The following ASIC2 variants were observed in gnomAD, a reference collection of about 807,000 sequenced individuals.
ASIC2 encodes acid-sensing ion channel 2.
In ASIC2, 25 loss-of-function variants were observed where a neutral mutation model predicts 57.3. The observed-to-expected ratio is 0.44, with a 90% confidence interval of 0.32 to 0.61. ASIC2 has a LOEUF of 0.61. Ranked by LOEUF, ASIC2 falls within the 20% of genes least tolerant of loss-of-function variation. ASIC2 has a pLI of 0.06. For synonymous variants in ASIC2, 319 were observed against 307.5 expected (o/e 1.04, Z -0.39); for missense variants, 641 against 738.1 (o/e 0.87, Z 1.52).
chr17:34,074,864 C>T (rs1327696914), intron 1 of ASIC2, among the ~76,000 whole-genome samples: 1 of 149,414 alleles, frequency 6.7e-6, no homozygotes, highest in East Asian at 2.0e-4. Flanking sequence ...CGGCTCACCA[C>T]AAACACCATC....
At chr17:33,058,066 A>C (rs1173999748) in intron 3 of ASIC2, among the ~76,000 whole-genome samples, 1 of 152,264 alleles carries the variant, frequency 6.6e-6, no homozygotes, top group East Asian at 1.9e-4. Context: ...TATGTATGCC[A>C]GATGCCCTCT....
chr17:33,937,840 A>G lies in ASIC2; in HGVS notation c.555+218138T>C, dbSNP rs186414513. 9.9e-5 allele frequency among the ~76,000 whole-genome samples: 15 copies of G among 152,218 alleles called. No individual in the cohort carries two copies. The East Asian group carries it at 2.7e-3, about 27-fold the overall frequency. The stretch of plus-strand genomic sequence containing the variant: ...CTTTTAGAAAATTTTTTTTTCTCTT[A>G]GCACAAACTGCCAGAAGTAGGCTTC... On this transcript the variant is annotated intron_variant, in intron 1 of 9. Coordinates refer to the ASIC2 transcript ENST00000359872.
chr17:33,786,866 A>C (rs1433082866), intron 1 of ASIC2, among the ~76,000 whole-genome samples: 2 of 152,234 alleles, frequency 1.3e-5, no homozygotes, highest in Non-Finnish European at 2.9e-5. Flanking sequence ...GAAGAGTCTG[A>C]GTCAGTGAGA....
At chr17:33,944,891 C>A (rs1350167697) in intron 1 of ASIC2, among the ~76,000 whole-genome samples, 1 of 152,160 alleles carries the variant, frequency 6.6e-6, no homozygotes, top group African/African-American at 2.4e-5. Context: ...GGCTGGGACA[C>A]CATCCTTTCT....
chr17:33,490,056 A>G (rs1439910485), intron 1 of ASIC2, among the ~76,000 whole-genome samples: 3 of 152,226 alleles, frequency 2.0e-5, no homozygotes, highest in Non-Finnish European at 4.4e-5. Flanking sequence ...TTTTGCTTTT[A>G]TCATTTAGAA....
At chr17:34,114,215 T>C (rs750383398) in intron 1 of ASIC2, among the ~76,000 whole-genome samples, 4 of 152,178 alleles carry the variant, frequency 2.6e-5, no homozygotes, top group Non-Finnish European at 5.9e-5. Flanking sequence ...TGCACCTAGT[T>C]GAATGAAACA....
chr17:33,210,484 C>A (rs1907228065), intron 1 of ASIC2, among the ~76,000 whole-genome samples: 1 of 152,220 alleles, frequency 6.6e-6, no homozygotes, highest in East Asian at 1.9e-4. Flanking sequence ...CTCCACCCCC[C>A]AACCCAGGCT....
chr17:33,455,885 C>T (rs1597734017), intron 1 of ASIC2, among the ~76,000 whole-genome samples: 1 of 152,324 alleles, frequency 6.6e-6, no homozygotes, highest in South Asian at 2.1e-4. Flanking sequence ...AGTTCCTTAT[C>T]ACCGACTGAC....
chr17:33,948,875 A>T (rs1164900227), intron 1 of ASIC2, among the ~76,000 whole-genome samples: 1 of 152,200 alleles, frequency 6.6e-6, no homozygotes, highest in Non-Finnish European at 1.5e-5. Context: ...AGAAGTTGTC[A>T]CACTTCTTTT....
chr17:34,103,447 C>A (rs993001286), intron 1 of ASIC2, among the ~76,000 whole-genome samples: 1 of 152,150 alleles, frequency 6.6e-6, no homozygotes, highest in African/African-American at 2.4e-5. Flanking sequence ...AGCCACCATG[C>A]CTGGCTTGTT....
At chr17:33,080,364 C>T (rs1165107318) in intron 3 of ASIC2, among the ~76,000 whole-genome samples, 1 of 152,038 alleles carries the variant, frequency 6.6e-6, no homozygotes, top group Non-Finnish European at 1.5e-5. Flanking sequence ...CATGAGCAAC[C>T]TTGACAAAGA....
Position 33,017,466 on chromosome 17 carries a change from G to A in ASIC2, c.1521+139C>T, listed in dbSNP as rs1598234993. On this transcript the variant is annotated intron_variant, in intron 8 of 9. Transcript: ENST00000225823. ...CCACAGAGCCTGGGCTTCAGTGATC[G>A]ACTCTATTGGTGGACAGGAGGGGAA... The A allele has an allele frequency of 3.1e-5, 21 of 682,974 alleles. No homozygotes were observed. In the South Asian group the frequency reaches 3.2e-4, roughly 10 times the overall value. The allele number at this position is 682,974 out of a possible 1,614,324, so 42.3% of individuals were successfully genotyped here.
chr17:33,540,076 G>A (rs751966156), intron 1 of ASIC2, among the ~76,000 whole-genome samples: 3 of 152,174 alleles, frequency 2.0e-5, no homozygotes, highest in Admixed American at 6.5e-5. Flanking sequence ...CTCACAGTTC[G>A]GGAGGCTGGA....
chr17:33,418,369 A>G (rs1440819172), intron 1 of ASIC2, among the ~76,000 whole-genome samples: 1 of 148,248 alleles, frequency 6.7e-6, no homozygotes, highest in African/African-American at 2.6e-5. Context: ...CTCCCTGTTA[A>G]AAAAAAAATC....
intron 1 of ASIC2, among the ~76,000 whole-genome samples, chr17:33,520,828 A>G (rs748113810): frequency 2.6e-5 from 4 of 152,196 alleles, no homozygotes; most frequent in Non-Finnish European, 5.9e-5. Context: ...CCTCTTCCCC[A>G]GGGGGAAATG....
chr17:34,022,770 T>C (rs1907227381), intron 1 of ASIC2, among the ~76,000 whole-genome samples: 1 of 152,238 alleles, frequency 6.6e-6, no homozygotes, highest in Admixed American at 6.5e-5. Flanking sequence ...CTCTTCTTTT[T>C]ACATTCCTCT....
chr17:34,096,724 G>A lies in ASIC2; in HGVS notation c.555+59254C>T, dbSNP rs144346914. ...ACAAAGAAGTTAGCCGGGCAGGGTG[G>A]CAGGCGCCTGTAGTCCCAGCTACTT... On this transcript the variant is annotated intron_variant, in intron 1 of 9. Transcript: ENST00000359872. Among the ~76,000 whole-genome samples the A allele has an allele frequency of 6.9e-3, 1,046 of 151,954 alleles. 16 individuals are homozygous for A. The highest frequency in any genetic ancestry group is 0.024 in the African/African-American group (978 of 41,454).
chr17:33,766,382 A>G (rs2142116622), intron 1 of ASIC2, among the ~76,000 whole-genome samples: 1 of 152,328 alleles, frequency 6.6e-6, no homozygotes, highest in Non-Finnish European at 1.5e-5. Context: ...GCTGTACTCA[A>G]AGAGAAGCAG....
chr17:33,422,022 T>C (rs1236732037), intron 1 of ASIC2, among the ~76,000 whole-genome samples: 1 of 152,210 alleles, frequency 6.6e-6, no homozygotes, highest in Non-Finnish European at 1.5e-5. Context: ...CTGGGCAAAC[T>C]TCTATTCATT....
Sources: gnomAD v4.1 joint callset for allele counts (sites outside exome capture counted in the v4.1 genomes callset) on GRCh38, gnomAD v4.1.1 for gene constraint, MANE v1.5 for transcripts, NCBI Gene and HGNC (gene_info 2026-07-23, HGNC 2026-07-21) for gene names.